The following PRRC2B variants were observed in gnomAD, a reference collection of about 807,000 sequenced individuals.
PRRC2B encodes the protein proline rich coiled-coil 2B.
A neutral mutation model predicts 242.3 loss-of-function variants in PRRC2B; 68 were observed. The observed-to-expected ratio is 0.28, with a 90% CI of 0.23 to 0.34. PRRC2B has a LOEUF of 0.34. PRRC2B is among the 10% of genes least tolerant of loss of function. The pLI, the probability that PRRC2B is intolerant of heterozygous loss-of-function variation, is 1.00. For synonymous variants in PRRC2B, 1,228 were observed against 1,173.6 expected (o/e 1.05, Z -0.95); for missense variants, 2,835 against 2,954.8 (o/e 0.96, Z 0.94).
chr9:131,490,493 G>A (rs1408709484), intron 28 of PRRC2B: 1 of 519,108 alleles, frequency 1.9e-6, no homozygotes, highest in Non-Finnish European at 3.8e-6. Context: ...AAGTCTCAGT[G>A]ATGTAATTCC....
intron 1 of PRRC2B, among the ~76,000 whole-genome samples, chr9:131,416,773 C>T (rs1185452246): frequency 6.6e-6 from 1 of 152,000 alleles, no homozygotes; most frequent in Non-Finnish European, 1.5e-5. Flanking sequence ...TGGGATTTGT[C>T]GGATGCTTTC....
In PRRC2B at chr9:131,474,544, G is replaced by C; in HGVS notation, c.2415G>C (p.Leu805Phe). 2.5e-6 allele frequency: 4 copies of C among 1,613,972 alleles called. No homozygotes were observed. Among genetic ancestry groups the C allele is most frequent in the South Asian group, 1.1e-5 (1 of 91,084 alleles). Reference protein sequence around the residue: ...DLFEERGEEYLSAFDKKAQAD... With the variant: ...DLFEERGEEYFSAFDKKAQAD... ...TTGAGGAGAGAGGGGAGGAGTACTTGAGTGCTTTTGACAAGAAGGCCCAAG... is the reference window on the plus strand; with the variant it reads ...TTGAGGAGAGAGGGGAGGAGTACTTCAGTGCTTTTGACAAGAAGGCCCAAG... Residue 805 changes from leucine (L) to phenylalanine (F), a missense_variant, in exon 16 of 32, where the codon TTG (leucine) becomes TTC (phenylalanine). Coordinates refer to ENST00000683519, the MANE Select transcript of PRRC2B (RefSeq NM_013318.4).
chr9:131,478,348 A>G (rs1342769832), intron 17 of PRRC2B, 126 bp from the exon 18 acceptor site: 5 of 918,922 alleles, frequency 5.4e-6, no homozygotes, highest in Admixed American at 2.2e-5. Context: ...GGCCTGAGAA[A>G]AGTGCGGAAG....
intron 28 of PRRC2B, chr9:131,490,539 A>T (rs1462938922): frequency 3.9e-6 from 2 of 519,108 alleles, no homozygotes; most frequent in Non-Finnish European, 7.7e-6. Context: ...TGGACTCAAT[A>T]GCAGGGAGAT....
chr9:131,436,490 G>A, intron 3 of PRRC2B, 130 bp from the exon 4 acceptor site: 1 of 624,580 alleles, frequency 1.6e-6, no homozygotes, highest in East Asian at 2.8e-5. Context: ...ACTGGGGAAA[G>A]TCGTATTTTT....
At chr9:131,466,179 C>T (rs1249801590) in intron 12 of PRRC2B, among the ~76,000 whole-genome samples, 1 of 152,250 alleles carries the variant, frequency 6.6e-6, no homozygotes, top group Non-Finnish European at 1.5e-5. Flanking sequence ...GTTTGAGGCT[C>T]TGAAAGCTTC....
chr9:131,467,317 C>CTG (rs1943425162), intron 12 of PRRC2B, among the ~76,000 whole-genome samples: 2 of 152,198 alleles, frequency 1.3e-5, no homozygotes, highest in African/African-American at 4.8e-5. Context: ...TGGACGTCAT[C>CTG]TAACCTCTTG....
At chr9:131,384,743 C>T (rs576839694) in intron 1 of PRRC2B, among the ~76,000 whole-genome samples, 1 of 151,550 alleles carries the variant, frequency 6.6e-6, no homozygotes, top group South Asian at 2.1e-4. Flanking sequence ...TTAGTAGAGA[C>T]GGGGTTTCAC....
chr9:131,493,079 C>T (rs1408578516), intron 30 of PRRC2B, among the ~76,000 whole-genome samples: 2 of 152,174 alleles, frequency 1.3e-5, no homozygotes, highest in Admixed American at 1.3e-4. Context: ...GCCTGAGGAG[C>T]GCTCTGCAAG....
rs369418138 is a variant in PRRC2B at position 131,475,419 on chromosome 9, G to A, written c.3290G>A (p.Arg1097His). The A allele has an allele frequency of 1.7e-5, 27 of 1,576,408 alleles. No individual in the cohort carries two copies. The highest frequency in any genetic ancestry group is 2.2e-5 in the Non-Finnish European group (25 of 1,162,708). ...GLCGGGVLGARSIYCSSQRSG... is the reference protein window; with the variant it reads ...GLCGGGVLGAHSIYCSSQRSG... ...TGTGGTGGGGGGGTCCTGGGGGCCCGCAGCATCTACTGCAGCAGTCAGCGC... is the reference window on the plus strand; with the variant it reads ...TGTGGTGGGGGGGTCCTGGGGGCCCACAGCATCTACTGCAGCAGTCAGCGC... Residue 1097 changes from arginine (R) to histidine (H), a missense_variant, in exon 16 of 32, where the codon CGC becomes CAC. Physicochemically the swap from Arg to His is conservative, Grantham distance 29. Transcript: ENST00000683519.
At chr9:131,476,706 G>A (rs1199907250) in intron 16 of PRRC2B, among the ~76,000 whole-genome samples, 171 bp downstream of exon 16, 1 of 152,134 alleles carries the variant, frequency 6.6e-6, no homozygotes, top group Non-Finnish European at 1.5e-5. Flanking sequence ...GCTTCTCGTG[G>A]TGGTGTTATT....
chr9:131,411,609 C>A (rs1837511599), intron 1 of PRRC2B, among the ~76,000 whole-genome samples: 3 of 152,068 alleles, frequency 2.0e-5, no homozygotes, highest in African/African-American at 7.2e-5. Flanking sequence ...TTCCAAAGTG[C>A]TGAGATTACA....
chr9:131,481,902 G>A (rs12349131), intron 20 of PRRC2B, 94 bp downstream of exon 20: 12,655 of 1,130,410 alleles, frequency 0.011, 319 homozygotes, highest in African/African-American at 0.09. Context: ...GCCCACCCAA[G>A]CCCCTGCCAC....
chr9:131,474,942 G>A lies in PRRC2B; in HGVS notation c.2813G>A (p.Arg938Lys). 1 of 1,594,480 alleles carries A rather than the reference G, an allele frequency of 6.3e-7. No homozygotes were observed. The change falls in exon 16 of 32, where the codon AGG (arginine) becomes AAG (lysine). Residue 938 changes from arginine (R) to lysine (K), a missense_variant. By Grantham distance (26) the Arg-to-Lys change is conservative. Around this residue, in one of 7 missense-constraint regions of PRRC2B, gnomAD observed 1,536 missense variants for 1,483.1 expected, o/e 1.04. Coordinates refer to ENST00000683519, the MANE Select transcript of PRRC2B (RefSeq NM_013318.4). ...CCGGAGCAGACGGGCAGGACCCGGA[G>A]GTCGGGACCCATCAAGAAACCAGTC... ...QHPEQTGRTR[R>K]SGPIKKPVLK...
intron 22 of PRRC2B, 46 bp from the exon 23 acceptor site, chr9:131,483,313 G>A (rs1335850061): frequency 6.5e-6 from 10 of 1,549,426 alleles, no homozygotes; most frequent in Admixed American, 5.0e-5. Flanking sequence ...GGAATGTAGG[G>A]CCAGGAGGAT....
Position 131,491,539 on chromosome 9 carries a change from C to T in PRRC2B, c.6340C>T (p.Pro2114Ser). 6.2e-7 allele frequency: 1 copy of T among 1,611,624 alleles called. No homozygotes were observed. The stretch of plus-strand genomic sequence containing the variant: ...CGTTGGGGCCCCCCGAAGGATTCCT[C>T]CGCCCGGGTCCCAGCCGCCAGTCCT... ...LSVGAPRRIP[P>S]PGSQPPVLNT... Residue 2114 changes from proline to serine, a missense_variant, in exon 29 of 32, where the codon CCG becomes TCG. Physicochemically the swap from Pro to Ser is moderately conservative, Grantham distance 74. Coordinates refer to ENST00000683519, the MANE Select transcript of PRRC2B (RefSeq NM_013318.4).
rs1246592435 is a variant in PRRC2B at position 131,476,042 on chromosome 9, C to A, written c.3913C>A (p.Pro1305Thr). The A allele has an allele frequency of 6.2e-7, 1 of 1,606,200 alleles. No homozygotes were observed. The highest frequency in any genetic ancestry group is 1.3e-5 in the African/African-American group (1 of 74,858). Residue 1305 changes from proline to threonine, a missense_variant, in exon 16 of 32, where the codon CCA (proline) becomes ACA (threonine). By Grantham distance (38) the Pro-to-Thr change is conservative. Transcript: ENST00000683519. The stretch of plus-strand genomic sequence containing the variant: ...CCGGCCCTTCAGGAGAAGGCGCCCC[C>A]CACGCCAAGATAAGCCCCCTCGATT... Reference protein sequence around the residue: ...ENRPFRRRRPPRQDKPPRFRR... With the variant: ...ENRPFRRRRPTRQDKPPRFRR...
Position 131,498,429 on chromosome 9 carries a change from A to G in PRRC2B, c.*2555A>G, listed in dbSNP as rs967427791. 13 of 152,244 alleles carry G rather than the reference A, an allele frequency of 8.5e-5. No individual in the cohort carries two copies. Among genetic ancestry groups the G allele is most frequent in the African/African-American group, 3.1e-4 (13 of 41,468 alleles). 9.4% of individuals were successfully genotyped at this position (152,244 alleles called of 1,614,324 possible). ...CTCTTCGCTGAGATGCAGGTTTTAA[A>G]TGAGACTTGGGGGGCTGAGGGCAGG... On this transcript the variant is annotated 3_prime_UTR_variant, in exon 32 of 32. Transcript: ENST00000683519.
intron 1 of PRRC2B, among the ~76,000 whole-genome samples, chr9:131,377,015 A>G (rs1836694098): frequency 6.6e-6 from 1 of 152,230 alleles, no homozygotes; most frequent in Non-Finnish European, 1.5e-5. Context: ...CGTTGAAAAA[A>G]TAAATAAAAA....
Sources: allele counts gnomAD v4.1 joint callset (sites outside exome capture counted in the v4.1 genomes callset), GRCh38; gene constraint gnomAD v4.1.1; regional missense constraint gnomAD v4.1.1; transcripts MANE v1.5; gene names NCBI Gene and HGNC (gene_info 2026-07-23, HGNC 2026-07-21).